SHISA9: variants seen among roughly 807,000 people sequenced by gnomAD.
SHISA9 encodes the protein protein shisa-9.
In SHISA9, 13 loss-of-function variants were observed where a neutral mutation model predicts 38.0. The observed-to-expected ratio is 0.34, with a 90% CI of 0.22 to 0.54. The LOEUF is 0.54. SHISA9 is among the 20% of genes least tolerant of loss of function. The pLI is 0.91. For synonymous variants in SHISA9, 275 were observed against 242.0 expected (o/e 1.14, Z -1.27); for missense variants, 538 against 575.8 (o/e 0.93, Z 0.67).
chr16:13,031,379 G>A (rs2072989328), intron 2 of SHISA9, among the ~76,000 whole-genome samples: 1 of 152,158 alleles, frequency 6.6e-6, no homozygotes, highest in Non-Finnish European at 1.5e-5. Flanking sequence ...CATGGGGTGG[G>A]TAAGTAGCAA....
chr16:12,907,155 CTCCT>C (rs1186451935), intron 1 of SHISA9, among the ~76,000 whole-genome samples: 1 of 89,232 alleles, frequency 1.1e-5, no homozygotes, highest in East Asian at 3.1e-4. Context: ...CCCTCCCTCC[CTCCT>C]TCCCTCCATC....
the SHISA9 span, among the ~76,000 whole-genome samples, chr16:13,323,284 G>T: frequency 6.6e-6 from 1 of 152,176 alleles, no homozygotes; most frequent in African/African-American, 2.4e-5. Flanking sequence ...CTCATGGCCA[G>T]CAGTCAGAGT....
At chr16:13,328,591 TACACACACACACACACACAC>T in the SHISA9 span, among the ~76,000 whole-genome samples, 123 of 139,968 alleles carry the variant, frequency 8.8e-4, 1 homozygote, top group East Asian at 2.3e-3. Flanking sequence ...TATATGTGTA[TACACACACACACACACACAC>T]ACACACACAC....
At chr16:12,932,443 G>A (rs1475597794) in intron 2 of SHISA9, among the ~76,000 whole-genome samples, 2 of 152,180 alleles carry the variant, frequency 1.3e-5, no homozygotes, top group Non-Finnish European at 2.9e-5. Flanking sequence ...CCAGGTTCAA[G>A]AGATTCTCCT....
At chr16:13,544,395 C>T in the SHISA9 span, among the ~76,000 whole-genome samples, 1 of 135,268 alleles carries the variant, frequency 7.4e-6, no homozygotes, top group East Asian at 2.2e-4. Flanking sequence ...CTTAGTTTTT[C>T]GGTTTTTTGT....
chr16:13,126,510 G>T (rs1220036326), intron 2 of SHISA9, among the ~76,000 whole-genome samples: 2 of 150,000 alleles, frequency 1.3e-5, no homozygotes, highest in Non-Finnish European at 1.5e-5. Flanking sequence ...ATTGAAGGAG[G>T]GGGAGAGAGA....
At chr16:13,265,686 C>T in the SHISA9 span, among the ~76,000 whole-genome samples, 2 of 151,288 alleles carry the variant, frequency 1.3e-5, no homozygotes, top group African/African-American at 4.9e-5. Flanking sequence ...GCAGTGCATA[C>T]AATCATCAAA....
rs1367383513 is a variant in SHISA9, at chr16:13,236,945, C to G, written c.*1536C>G. ...CTCATAATCCATAGTCCTTGGGGTC[C>G]CAGCAAAGTCAGTTTTCCTACAAGT... is the stretch of plus-strand genomic sequence containing the variant. On this transcript the variant is annotated 3_prime_UTR_variant, in exon 5 of 5. Transcript: ENST00000558583. 2 of 152,114 alleles carry G rather than the reference C, an allele frequency of 1.3e-5. No homozygotes were observed. Among genetic ancestry groups the G allele is most frequent in the Non-Finnish European group, 2.9e-5 (2 of 68,034 alleles). 9.4% of individuals were successfully genotyped at this position (152,114 alleles called of 1,614,324 possible). A position where few individuals can be genotyped will look rare whatever the true frequency, so the allele number is the denominator to read the frequency against.
Position 13,069,481 on chromosome 16 carries a change from G to T in SHISA9, c.692-133913G>T, listed in dbSNP as rs905093293. Among the ~76,000 whole-genome samples the T allele has an allele frequency of 2.8e-5, 4 of 145,294 alleles. No homozygotes were observed. In the East Asian group the frequency reaches 7.8e-4, roughly 28 times the overall value. On this transcript the variant is annotated intron_variant, in intron 2 of 4. Coordinates refer to ENST00000558583, the MANE Select transcript of SHISA9 (RefSeq NM_001145204.3). The stretch of plus-strand genomic sequence containing the variant: ...AGTATGCATGTGTATGTGTATATGT[G>T]TACACACAATGCATGCATGTGTATA...
intron 2 of SHISA9, among the ~76,000 whole-genome samples, chr16:13,167,794 A>G (rs893457483): frequency 6.6e-6 from 1 of 152,276 alleles, no homozygotes; most frequent in Middle Eastern, 3.4e-3. Flanking sequence ...AGCCTGTGGA[A>G]CTGTGAACCA....
the SHISA9 span, among the ~76,000 whole-genome samples, chr16:13,555,293 C>A: frequency 6.7e-6 from 1 of 149,302 alleles, no homozygotes; most frequent in Non-Finnish European, 1.5e-5. Flanking sequence ...ATGAACACAA[C>A]ATTTTTTCTG....
chr16:13,033,261 G>T (rs1453979511), intron 2 of SHISA9, among the ~76,000 whole-genome samples: 1 of 152,152 alleles, frequency 6.6e-6, no homozygotes, highest in Non-Finnish European at 1.5e-5. Context: ...ATGGACTGAT[G>T]ACCTGGACTG....
At chr16:13,480,684 C>A in the SHISA9 span, among the ~76,000 whole-genome samples, 1 of 152,146 alleles carries the variant, frequency 6.6e-6, no homozygotes, top group Admixed American at 6.5e-5. Flanking sequence ...AGCCTCTCAT[C>A]CAAGCTGCTT....
the SHISA9 span, among the ~76,000 whole-genome samples, chr16:13,483,605 CT>C: frequency 0.012 from 1,873 of 152,100 alleles, 26 homozygotes; most frequent in African/African-American, 0.04. Flanking sequence ...AGCTCGCTGA[CT>C]TTCCCCAGCC....
intron 2 of SHISA9, among the ~76,000 whole-genome samples, chr16:13,183,958 G>A (rs533063498): frequency 6.6e-6 from 1 of 152,250 alleles, no homozygotes; most frequent in South Asian, 2.1e-4. Flanking sequence ...GGGGCGGACA[G>A]AAACTCTTAT....
chr16:13,183,544 A>G (rs1330881660), intron 2 of SHISA9, among the ~76,000 whole-genome samples: 1 of 152,268 alleles, frequency 6.6e-6, no homozygotes, highest in Non-Finnish European at 1.5e-5. Context: ...TTGGACAGAA[A>G]TGATCTCCCA....
chr16:13,093,449 A>G lies in SHISA9; in HGVS notation c.692-109945A>G, dbSNP rs117017213. Reference sequence around the variant, plus strand: ...TAACTGCATAATGCACAAAGGGTCCATACAAGAGGAGTTTTCATGAACACT... The same window carrying G: ...TAACTGCATAATGCACAAAGGGTCCGTACAAGAGGAGTTTTCATGAACACT... On this transcript the variant is annotated intron_variant, in intron 2 of 4. Coordinates refer to ENST00000558583, the MANE Select transcript of SHISA9 (RefSeq NM_001145204.3). 1.8e-4 allele frequency among the ~76,000 whole-genome samples: 27 copies of G among 152,326 alleles called. 1 individual carries two copies. In the East Asian group the frequency reaches 4.8e-3, roughly 27 times the overall value.
intron 2 of SHISA9, among the ~76,000 whole-genome samples, chr16:13,103,824 A>G (rs188429708): frequency 3.9e-5 from 6 of 152,324 alleles, no homozygotes; most frequent in African/African-American, 1.4e-4. Flanking sequence ...TGAGGGTGCC[A>G]TGGGCCACCA....
rs2072895389 is a variant in SHISA9, at chr16:13,024,381, T to C, written c.691+107566T>C. Among the ~76,000 whole-genome samples the C allele has an allele frequency of 2.0e-5, 3 of 152,336 alleles. No individual in the cohort carries two copies. The South Asian group carries it at 6.2e-4, about 32-fold the overall frequency. ...CCTTTGGCAGCTGGAGCCCAGGTGC[T>C]GGACAGCCCAGTTGGCCCAGAGCCT... On this transcript the variant is annotated intron_variant, in intron 2 of 4. Coordinates refer to ENST00000558583, the MANE Select transcript of SHISA9 (RefSeq NM_001145204.3).
Sources: gnomAD v4.1 joint callset for allele counts (sites outside exome capture counted in the v4.1 genomes callset) on GRCh38, gnomAD v4.1.1 for gene constraint, MANE v1.5 for transcripts, NCBI Gene and HGNC (gene_info 2026-07-23, HGNC 2026-07-21) for gene names.